The following CFAP20DC variants were observed in gnomAD, a reference collection of about 807,000 sequenced individuals.
CFAP20DC encodes protein CFAP20DC.
A neutral mutation model predicts 101.7 loss-of-function variants in CFAP20DC; 84 were observed. The observed-to-expected ratio is 0.83, with a 90% confidence interval of 0.69 to 0.99. The LOEUF (loss-of-function observed/expected upper bound fraction) is 0.99, where lower values mean the gene tolerates loss of function less well. Among genes scored for constraint, CFAP20DC ranks in the 50% least tolerant of loss-of-function variants. The pLI is 0.00. For missense variants in CFAP20DC, 1,007 were observed against 970.3 expected, an observed-to-expected ratio of 1.04 and a Z score of -0.50; for synonymous variants, 359 against 351.2, an observed-to-expected ratio of 1.02 and a Z score of -0.25.
intron 14 of CFAP20DC, among the ~76,000 whole-genome samples, chr3:58,807,270 G>C (rs575023780): frequency 3.3e-5 from 5 of 152,266 alleles, no homozygotes; most frequent in African/African-American, 9.6e-5. Context: ...TCCTCAAGTG[G>C]GTCCCTGACC....
chr3:58,862,646 TG>T (rs1428489646), intron 12 of CFAP20DC: 1 of 985,126 alleles, frequency 1.0e-6, no homozygotes, highest in East Asian at 1.1e-4. Context: ...TGTGCCTCAC[TG>T]TCCAAAAAGG....
intron 4 of CFAP20DC, among the ~76,000 whole-genome samples, chr3:58,991,798 T>G (rs1489245178): frequency 6.6e-6 from 1 of 152,126 alleles, no homozygotes; most frequent in Non-Finnish European, 1.5e-5. Flanking sequence ...GTTCACCCCC[T>G]GCTGTGCGGC....
chr3:58,903,076 C>CA (rs2083288485), intron 6 of CFAP20DC, among the ~76,000 whole-genome samples: 1 of 151,964 alleles, frequency 6.6e-6, no homozygotes, highest in Admixed American at 6.6e-5. Flanking sequence ...ATATGATTTG[C>CA]AAATATTTTC....
chr3:59,047,177 A>G lies in CFAP20DC; in HGVS notation c.99T>C (p.Ser33=). 6.5e-7 allele frequency: 1 copy of G among 1,533,592 alleles called. No homozygotes were observed. Among genetic ancestry groups the G allele is most frequent in the South Asian group, 1.2e-5 (1 of 83,888 alleles). 95.0% of individuals were successfully genotyped at this position (1,533,592 alleles called of 1,614,324 possible). A position where few individuals can be genotyped will look rare whatever the true frequency, so the allele number is the denominator to read the frequency against. The change falls in exon 2 of 17, where the codon TCT becomes TCC. Residue 33 remains serine, a synonymous_variant. Coordinates refer to ENST00000482387, the MANE Select transcript of CFAP20DC (RefSeq NM_001394063.1). ...TTCTAATACTTACTTTCCAAATCAC[A>G]GATGGACTACCAAGGATCTTCCATT... ...GAKWKILGSP[S]VIWKEFDKEV...
At chr3:58,839,067 ATAACT>A (rs1290183790) in intron 13 of CFAP20DC, among the ~76,000 whole-genome samples, 6 of 152,244 alleles carry the variant, frequency 3.9e-5, no homozygotes. Flanking sequence ...TGGGAAGATG[ATAACT>A]TTAAGTAAGC....
chr3:59,030,498 T>C (rs2093970348), intron 4 of CFAP20DC, among the ~76,000 whole-genome samples: 1 of 152,248 alleles, frequency 6.6e-6, no homozygotes, highest in African/African-American at 2.4e-5. Context: ...TATTTAATAA[T>C]TTTGATCTTT....
chr3:59,033,819 G>A (rs549736918), intron 4 of CFAP20DC, among the ~76,000 whole-genome samples: 1 of 152,066 alleles, frequency 6.6e-6, no homozygotes, highest in Non-Finnish European at 1.5e-5. Context: ...AGCAAGACAG[G>A]CCAACATTCA....
chr3:58,931,329 C>A (rs568004828), intron 5 of CFAP20DC, among the ~76,000 whole-genome samples: 4 of 152,342 alleles, frequency 2.6e-5, no homozygotes, highest in Middle Eastern at 3.4e-3. Context: ...CTGTAGGCTC[C>A]ACCTTTGGGG....
chr3:58,813,620 C>G (rs17059872), intron 14 of CFAP20DC, among the ~76,000 whole-genome samples: 2,080 of 151,922 alleles, frequency 0.014, 78 homozygotes, highest in African/African-American at 0.047. Context: ...AAAGAAGTCT[C>G]AAAATATTAA....
Position 58,874,350 on chromosome 3 carries a change from C to T in CFAP20DC, c.716-4041G>A, listed in dbSNP as rs772471985. ...GTGACTTACTGTGTCCACGCTGGTG[C>T]CCCATGCCATCCCTCCTCCAAAATG... On this transcript the variant is annotated intron_variant, in intron 7 of 16. Coordinates refer to ENST00000482387, the MANE Select transcript of CFAP20DC (RefSeq NM_001394063.1). The surrounding 1 kb of genome is among the most constrained non-coding windows in gnomAD (Gnocchi z 5.1). 6.6e-6 allele frequency among the ~76,000 whole-genome samples: 1 copy of T among 152,184 alleles called. No homozygotes were observed.
At chr3:58,815,696 G>A (rs1470964381) in intron 14 of CFAP20DC, among the ~76,000 whole-genome samples, 2,102 of 148,766 alleles carry the variant, frequency 0.014, 59 homozygotes, top group African/African-American at 0.044. Flanking sequence ...AAAAGTGGGC[G>A]AAGGACATGA....
At chr3:58,844,475 A>G (rs1392662043) in intron 13 of CFAP20DC, among the ~76,000 whole-genome samples, 2 of 142,522 alleles carry the variant, frequency 1.4e-5, no homozygotes, top group Non-Finnish European at 3.0e-5. Context: ...TCGTAAACAT[A>G]TATGCACCCA....
At chr3:58,966,617 G>A (rs527931297) in intron 4 of CFAP20DC, among the ~76,000 whole-genome samples, 179 of 151,198 alleles carry the variant, frequency 1.2e-3, no homozygotes, top group South Asian at 7.1e-3. Flanking sequence ...TCAGCCTCCC[G>A]GGTTCAAGCG....
At chr3:58,947,722 T>C (rs187012692) in intron 4 of CFAP20DC, among the ~76,000 whole-genome samples, 8 of 152,258 alleles carry the variant, frequency 5.3e-5, no homozygotes, top group East Asian at 3.9e-4. Flanking sequence ...TCTCCAAAAG[T>C]AGAATTTAAA....
intron 14 of CFAP20DC, among the ~76,000 whole-genome samples, chr3:58,815,205 A>G (rs913316426): frequency 7.2e-5 from 11 of 151,772 alleles, no homozygotes; most frequent in African/African-American, 2.4e-4. Flanking sequence ...ATAACGCTGC[A>G]TATCTACAAC....
chr3:58,895,955 C>T (rs1194106644), intron 6 of CFAP20DC, among the ~76,000 whole-genome samples: 7 of 152,188 alleles, frequency 4.6e-5, no homozygotes, highest in South Asian at 4.1e-4. Context: ...AGCACAAGAA[C>T]GACCTGCCCC....
At chr3:58,753,168 T>G (rs985727489) in intron 16 of CFAP20DC, among the ~76,000 whole-genome samples, 1 of 152,218 alleles carries the variant, frequency 6.6e-6, no homozygotes, top group African/African-American at 2.4e-5. Context: ...TGGCAAATTT[T>G]CATTGCTGGT....
At chr3:58,891,659 T>G (rs1263274910) in intron 6 of CFAP20DC, among the ~76,000 whole-genome samples, 2 of 150,742 alleles carry the variant, frequency 1.3e-5, no homozygotes, top group African/African-American at 4.9e-5. Flanking sequence ...GGGTTATTTG[T>G]TTTTTTTTCT....
chr3:58,836,945 G>A (rs1186090264), intron 13 of CFAP20DC, among the ~76,000 whole-genome samples: 1 of 152,084 alleles, frequency 6.6e-6, no homozygotes, highest in Non-Finnish European at 1.5e-5. Context: ...AAAGGATGGA[G>A]GAGACGGTCC....
Sources: allele counts gnomAD v4.1 joint callset (sites outside exome capture counted in the v4.1 genomes callset), GRCh38; gene constraint gnomAD v4.1.1; non-coding constraint Gnocchi (gnomAD v3.1); transcripts MANE v1.5; gene names NCBI Gene and HGNC (gene_info 2026-07-23, HGNC 2026-07-21).